SOX5: variants seen among roughly 807,000 people sequenced by gnomAD.
SOX5 encodes the protein SRY-box transcription factor 5.
In SOX5, 9 loss-of-function variants were observed where a neutral mutation model predicts 92.0. That is an observed-to-expected ratio of 0.10 (90% CI 0.06 to 0.17). The LOEUF (loss-of-function observed/expected upper bound fraction) is 0.17. Among genes scored for constraint, SOX5 ranks in the 10% least tolerant of loss-of-function variants. SOX5 has a pLI of 1.00. For synonymous variants in SOX5, 344 were observed against 336.3 expected (o/e 1.02, Z -0.25); for missense variants, 642 against 944.5 (o/e 0.68, Z 4.20).
At chr12:24,040,277 T>C (rs376690307) in intron 4 of SOX5, among the ~76,000 whole-genome samples, 2 of 152,226 alleles carry the variant, frequency 1.3e-5, no homozygotes, top group South Asian at 4.1e-4. Context: ...TGTGTAACCT[T>C]AAATAAATTA....
chr12:24,383,830 T>C (rs1189268794), intron 1 of SOX5, among the ~76,000 whole-genome samples: 1 of 152,124 alleles, frequency 6.6e-6, no homozygotes, highest in Non-Finnish European at 1.5e-5. Flanking sequence ...AGGCATTAGT[T>C]AGTGATACGG....
At chr12:24,534,260 CTT>C (rs1198725947) in intron 1 of SOX5, among the ~76,000 whole-genome samples, 6 of 143,780 alleles carry the variant, frequency 4.2e-5, no homozygotes, top group African/African-American at 5.1e-5. Flanking sequence ...CTTTTCTTTG[CTT>C]TTTTTTTTTT....
chr12:23,561,855 A>G (rs1592086996), intron 11 of SOX5, among the ~76,000 whole-genome samples: 2 of 151,174 alleles, frequency 1.3e-5, no homozygotes. Context: ...GCTGAATGCA[A>G]CCAACTGCTG....
At position 23,810,121 on chromosome 12, in the gene SOX5, G is replaced by A. The variant is rs143225518; in HGVS notation, c.481+35862C>T. Among the ~76,000 whole-genome samples the A allele has an allele frequency of 8.6e-3, 1,302 of 152,166 alleles. 17 individuals are homozygous for A. Among genetic ancestry groups the A allele is most frequent in the African/African-American group, 0.03 (1,226 of 41,518 alleles). Reference sequence around the variant, plus strand: ...GAAACACAGAAGCTATCAAAAGCAGGTGCAATACTATCTTCTGTCTCCTAA... The same window carrying A: ...GAAACACAGAAGCTATCAAAAGCAGATGCAATACTATCTTCTGTCTCCTAA... On this transcript the variant is annotated intron_variant, in intron 3 of 14. Coordinates refer to ENST00000451604, the MANE Select transcript of SOX5 (RefSeq NM_006940.6).
intron 8 of SOX5, among the ~76,000 whole-genome samples, chr12:23,608,108 G>GAAAAAAAAAAAAAAAA (rs1566278538): frequency 1.8e-4 from 1 of 5,678 alleles, no homozygotes; most frequent in African/African-American, 2.6e-4. Context: ...TGTCTCAAAA[G>GAAAAAAAAAAAAAAAA]AAAAAAGAAA....
chr12:24,393,568 C>T lies in SOX5; in HGVS notation c.-250-24929G>A, dbSNP rs929533870. 6.6e-6 allele frequency among the ~76,000 whole-genome samples: 1 copy of T among 152,094 alleles called. No homozygotes were observed. Among genetic ancestry groups the T allele is most frequent in the Admixed American group, 6.5e-5 (1 of 15,276 alleles). ...TGCATTAGAAATTTACTGTGAAAAA[C>T]TTACAATAAAAACATTAAGTAACTA... On this transcript the variant is annotated intron_variant, in intron 1 of 4. Transcript: ENST00000446891. This position sits in a 1 kb window ranked among gnomAD's most constrained non-coding sequence, Gnocchi z 5.0.
intron 3 of SOX5, among the ~76,000 whole-genome samples, chr12:23,774,433 C>T (rs2095036175): frequency 1.3e-5 from 2 of 152,140 alleles, no homozygotes; most frequent in South Asian, 4.1e-4. Context: ...ATATAAAAGA[C>T]TGCCATTGAA....
chr12:24,386,522 T>C (rs1192695358), intron 1 of SOX5, among the ~76,000 whole-genome samples: 1 of 152,162 alleles, frequency 6.6e-6, no homozygotes, highest in Non-Finnish European at 1.5e-5. Context: ...AACTGCTTTC[T>C]CTCTATATGA....
chr12:24,182,406 AT>A (rs1955590524), intron 4 of SOX5, among the ~76,000 whole-genome samples: 1 of 152,204 alleles, frequency 6.6e-6, no homozygotes, highest in Non-Finnish European at 1.5e-5. Flanking sequence ...CAGTCCACAT[AT>A]TTCAAGATCA....
At chr12:23,716,821 T>C (rs1391201612) in intron 6 of SOX5, among the ~76,000 whole-genome samples, 1 of 152,192 alleles carries the variant, frequency 6.6e-6, no homozygotes, top group Non-Finnish European at 1.5e-5. Flanking sequence ...AATTAAAAAA[T>C]AGTAAAGTCT....
In SOX5 at chr12:23,808,926, A is replaced by G. The variant is rs548728558; in HGVS notation, c.481+37057T>C. ...ATAAGTATTGACATATTAACATTCA[A>G]TATTCTTTATTCAATTTAAATTATA... On this transcript the variant is annotated intron_variant, in intron 3 of 14. Coordinates refer to ENST00000451604, the MANE Select transcript of SOX5 (RefSeq NM_006940.6). 1.1e-4 allele frequency among the ~76,000 whole-genome samples: 16 copies of G among 152,294 alleles called. No homozygotes were observed. The South Asian group carries it at 3.3e-3, about 32-fold the overall frequency.
At chr12:23,719,815 A>AAAAAAGG in intron 6 of SOX5, among the ~76,000 whole-genome samples, 1 of 139,092 alleles carries the variant, frequency 7.2e-6, no homozygotes. Flanking sequence ...AAAAAAACTG[A>AAAAAAGG]TGGATAGTTA....
intron 4 of SOX5, among the ~76,000 whole-genome samples, chr12:23,965,717 C>G (rs930427973): frequency 6.6e-6 from 1 of 152,126 alleles, no homozygotes; most frequent in Non-Finnish European, 1.5e-5. Flanking sequence ...CCCCCAGGTT[C>G]AAGCAATTTT....
At chr12:24,027,024 G>C (rs545937976) in intron 4 of SOX5, among the ~76,000 whole-genome samples, 2 of 152,078 alleles carry the variant, frequency 1.3e-5, no homozygotes, top group South Asian at 4.1e-4. Context: ...TTAATACTCA[G>C]CCAATTCCAA....
At chr12:24,199,091 G>A (rs997257492) in intron 4 of SOX5, among the ~76,000 whole-genome samples, 6 of 152,120 alleles carry the variant, frequency 3.9e-5, no homozygotes, top group Non-Finnish European at 5.9e-5. Context: ...GAGCACTGTC[G>A]GCCTGATGAG....
At chr12:24,399,868 A>ATATAGG (rs767803025) in intron 1 of SOX5, among the ~76,000 whole-genome samples, 21 of 152,252 alleles carry the variant, frequency 1.4e-4, no homozygotes, top group Non-Finnish European at 2.9e-4. Flanking sequence ...TTTGTTGAAC[A>ATATAGG]TATAGGTATA....
Position 23,895,793 on chromosome 12 carries a change from C to G in SOX5, c.270G>C (p.Met90Ile). The G allele has an allele frequency of 6.3e-7, 1 of 1,598,532 alleles. No homozygotes were observed. The highest frequency in any genetic ancestry group is 8.6e-7 in the Non-Finnish European group (1 of 1,165,954). The stretch of plus-strand genomic sequence containing the variant: ...GCACAATAAACCATGAGAAACCTAC[C>G]ATTGTATTGTGCTGAGAAGTGGGAG... ...HRTPTSQHNT[M>I]EVDGNKVMSS... The change falls in exon 2 of 15, where the codon ATG becomes ATC. Residue 90 changes from methionine (M) to isoleucine (I), a missense_variant and splice_region_variant. Around this residue, in one of 8 missense-constraint regions of SOX5, gnomAD observed 113 missense variants for 117.7 expected, o/e 0.96. Coordinates refer to ENST00000451604, the MANE Select transcript of SOX5 (RefSeq NM_006940.6).
At chr12:24,314,233 G>C (rs563412406) in intron 2 of SOX5, among the ~76,000 whole-genome samples, 2 of 152,168 alleles carry the variant, frequency 1.3e-5, no homozygotes, top group African/African-American at 4.8e-5. Context: ...ATAGTTTGCT[G>C]AGAATGATGG....
chr12:24,155,082 T>C (rs897261725), intron 4 of SOX5, among the ~76,000 whole-genome samples: 3 of 152,058 alleles, frequency 2.0e-5, no homozygotes, highest in South Asian at 4.1e-4. Context: ...AAAACAGGCA[T>C]CATCGTACGC....
Sources: gnomAD v4.1 joint callset for allele counts (sites outside exome capture counted in the v4.1 genomes callset) on GRCh38, gnomAD v4.1.1 for gene constraint, gnomAD v4.1.1 regional missense constraint, Gnocchi (gnomAD v3.1) non-coding constraint, MANE v1.5 for transcripts, NCBI Gene and HGNC (gene_info 2026-07-23, HGNC 2026-07-21) for gene names.